Variants in ABTB3 observed in about 807,000 individuals in gnomAD.
The protein encoded by ABTB3 is ankyrin repeat- and BTB/POZ domain-containing protein 3.
At chr12:107,432,860 C>A in the ABTB3 span, among the ~76,000 whole-genome samples, 1 of 152,144 alleles carries the variant, frequency 6.6e-6, no homozygotes, top group Admixed American at 6.5e-5. Context: ...CAATTTGAGA[C>A]CTATGCTCTG....
At chr12:107,591,389 T>C in the ABTB3 span, among the ~76,000 whole-genome samples, 1 of 152,162 alleles carries the variant, frequency 6.6e-6, no homozygotes, top group Non-Finnish European at 1.5e-5. Context: ...TCAGGAGACT[T>C]ACCATCATGG....
the ABTB3 span, chr12:107,580,939 G>A: frequency 6.4e-7 from 1 of 1,551,636 alleles, no homozygotes; most frequent in Non-Finnish European, 8.7e-7. Context: ...ATTCCAGAGA[G>A]CCTGCCCCGG....
the ABTB3 span, among the ~76,000 whole-genome samples, chr12:107,479,999 G>A: frequency 6.6e-6 from 1 of 152,180 alleles, no homozygotes; most frequent in Non-Finnish European, 1.5e-5. Context: ...CAACCAAATA[G>A]AAAACTCCTG....
chr12:107,422,944 G>A, the ABTB3 span, among the ~76,000 whole-genome samples: 2 of 152,182 alleles, frequency 1.3e-5, no homozygotes, highest in African/African-American at 4.8e-5. Flanking sequence ...GATATCAATT[G>A]CCATGGGGAA....
chr12:107,605,336 A>G, the ABTB3 span, among the ~76,000 whole-genome samples: 1 of 152,224 alleles, frequency 6.6e-6, no homozygotes, highest in African/African-American at 2.4e-5. Flanking sequence ...AAGTAAATAA[A>G]ATAGTCACAA....
chr12:107,482,976 CTTTCT>C, the ABTB3 span, among the ~76,000 whole-genome samples: 48 of 40,886 alleles, frequency 1.2e-3, 1 homozygote, highest in African/African-American at 3.9e-3. Context: ...TTCTTTCTTT[CTTTCT>C]TTCTTTCCTT....
the ABTB3 span, chr12:107,617,523 C>G: frequency 6.6e-7 from 1 of 1,522,716 alleles, no homozygotes; most frequent in Non-Finnish European, 8.8e-7. Context: ...CCCATTGTCT[C>G]TCTGGATGTG....
At chr12:107,389,314 T>A in the ABTB3 span, among the ~76,000 whole-genome samples, 1 of 152,256 alleles carries the variant, frequency 6.6e-6, no homozygotes, top group Non-Finnish European at 1.5e-5. Context: ...TTTTTAATGC[T>A]TATGTACTAG....
the ABTB3 span, among the ~76,000 whole-genome samples, chr12:107,400,811 T>A: frequency 6.6e-6 from 1 of 152,090 alleles, no homozygotes; most frequent in Non-Finnish European, 1.5e-5. Flanking sequence ...CTCAAGCTAA[T>A]CTCCCTTCGC....
chr12:107,584,554 A>T, the ABTB3 span, among the ~76,000 whole-genome samples: 42 of 152,364 alleles, frequency 2.8e-4, no homozygotes, highest in African/African-American at 9.6e-4. Context: ...TTCTAAATAA[A>T]CAGCCCTAGA....
chr12:107,519,642 A>G, the ABTB3 span, among the ~76,000 whole-genome samples: 1 of 152,190 alleles, frequency 6.6e-6, no homozygotes, highest in Non-Finnish European at 1.5e-5. Context: ...CTTATGACCA[A>G]GGCAGAGGCG....
At chr12:107,320,393 C>A in the ABTB3 span, among the ~76,000 whole-genome samples, 1 of 152,246 alleles carries the variant, frequency 6.6e-6, no homozygotes, top group African/African-American at 2.4e-5. Flanking sequence ...GGGTTGAGAT[C>A]ATTTGCGCTT....
At chr12:107,462,662 G>A in the ABTB3 span, among the ~76,000 whole-genome samples, 43 of 151,946 alleles carry the variant, frequency 2.8e-4, no homozygotes, top group African/African-American at 1.0e-3. Context: ...AGTGATGATG[G>A]TGGTGATAGT....
At chr12:107,428,622 C>T in the ABTB3 span, among the ~76,000 whole-genome samples, 22 of 152,352 alleles carry the variant, frequency 1.4e-4, no homozygotes, top group Non-Finnish European at 2.8e-4. Flanking sequence ...ATTAAAGCAT[C>T]CTTGATTAGC....
chr12:107,530,135 A>G, the ABTB3 span, among the ~76,000 whole-genome samples: 5 of 152,312 alleles, frequency 3.3e-5, no homozygotes, highest in East Asian at 7.7e-4. Flanking sequence ...CGGGAAATGC[A>G]GGGCAAGCTG....
the ABTB3 span, among the ~76,000 whole-genome samples, chr12:107,364,301 T>C: frequency 6.6e-6 from 1 of 152,116 alleles, no homozygotes; most frequent in Admixed American, 6.5e-5. Context: ...TTTCTTTTTT[T>C]TTAATGAGAT....
At chr12:107,326,288 T>C in the ABTB3 span, among the ~76,000 whole-genome samples, 1 of 152,184 alleles carries the variant, frequency 6.6e-6, no homozygotes, top group Non-Finnish European at 1.5e-5. Context: ...TAAACTCTGA[T>C]TGGGAGAGGA....
chr12:107,467,456 C>T, the ABTB3 span, among the ~76,000 whole-genome samples: 1 of 152,134 alleles, frequency 6.6e-6, no homozygotes, highest in Non-Finnish European at 1.5e-5. Context: ...GCCTTGGCAC[C>T]TTCTTGTCGT....
chr12:107,539,489 T>C, the ABTB3 span, among the ~76,000 whole-genome samples: 4 of 152,142 alleles, frequency 2.6e-5, no homozygotes, highest in Non-Finnish European at 4.4e-5. Flanking sequence ...AAGGAAGCAG[T>C]AGCAGCTAAG....
Sources: gnomAD v4.1 joint callset for allele counts (sites outside exome capture counted in the v4.1 genomes callset) on GRCh38, gnomAD v4.1.1 for gene constraint, MANE v1.5 for transcripts, NCBI Gene and HGNC (gene_info 2026-07-23, HGNC 2026-07-21) for gene names.